Variants in RIMKLB observed in about 807,000 individuals in gnomAD.
RIMKLB encodes ribosomal modification protein rimK like family member B, also known as beta-citrylglutamate synthase B.
Under a neutral mutation model 32.0 loss-of-function variants are expected in RIMKLB, and 7 were observed. That is an observed-to-expected ratio of 0.22 (90% CI 0.12 to 0.41). The LOEUF (loss-of-function observed/expected upper bound fraction) is 0.41, where lower values mean the gene tolerates loss of function less well. Ranked by LOEUF, RIMKLB falls within the 10% of genes least tolerant of loss-of-function variation. RIMKLB has a pLI of 1.00. For synonymous variants in RIMKLB, 172 were observed against 185.1 expected (o/e 0.93, Z 0.57); for missense variants, 289 against 498.7 (o/e 0.58, Z 4.00).
Position 8,760,396 on chromosome 12 carries a change from A to G in RIMKLB, c.697+6303A>G, listed in dbSNP as rs190177124. Among the ~76,000 whole-genome samples the G allele has an allele frequency of 3.2e-4, 49 of 152,368 alleles. No homozygotes were observed. In the East Asian group the frequency reaches 8.7e-3, roughly 27 times the overall value. On this transcript the variant is annotated intron_variant, in intron 5 of 5. Coordinates refer to ENST00000535829, the MANE Select transcript of RIMKLB (RefSeq NM_001297776.2). ...CTTTGCTATTGTGAATAGTGCCACA[A>G]TAAACATACGTGTACATGTGTCTTT...
rs1415853486 is a variant in RIMKLB, at chr12:8,775,068, G to C, written c.*1284G>C. The C allele has an allele frequency of 1.0e-6, 1 of 985,554 alleles. No homozygotes were observed. Among genetic ancestry groups the C allele is most frequent in the Non-Finnish European group, 1.2e-6 (1 of 829,870 alleles). 61.1% of individuals were successfully genotyped at this position (985,554 alleles called of 1,614,324 possible). Reference sequence around the variant, plus strand: ...ACCTTAAAACATAGGGTGAGTAGATGCTTTTTTAGGCCTTTTTGTGTATAT... The same window carrying C: ...ACCTTAAAACATAGGGTGAGTAGATCCTTTTTTAGGCCTTTTTGTGTATAT... On this transcript the variant is annotated 3_prime_UTR_variant, in exon 6 of 6. Coordinates refer to ENST00000535829, the MANE Select transcript of RIMKLB (RefSeq NM_001297776.2).
At position 8,763,549 on chromosome 12, in the gene RIMKLB, T is replaced by C. The variant is rs78674382; in HGVS notation, c.697+9456T>C. ...GGGTTTTGGGATGAGGATAAGCCAA[T>C]ATAGGCTGGATACGTTCCTCGCTGA... On this transcript the variant is annotated intron_variant, in intron 5 of 5. Coordinates refer to ENST00000535829, the MANE Select transcript of RIMKLB (RefSeq NM_001297776.2). 1.3e-3 allele frequency among the ~76,000 whole-genome samples: 195 copies of C among 152,366 alleles called. 5 individuals carry two copies. The East Asian group carries it at 0.03, about 23-fold the overall frequency.
Position 8,776,303 on chromosome 12 carries a change from C to T in RIMKLB, c.*2519C>T. ...TTAGAATGAAAAGAGCAGTAGTTATCTTAGATTTTAAAAACATGGATATCT... is the reference window on the plus strand; with the variant it reads ...TTAGAATGAAAAGAGCAGTAGTTATTTTAGATTTTAAAAACATGGATATCT... On this transcript the variant is annotated 3_prime_UTR_variant, in exon 6 of 6. Coordinates refer to ENST00000535829, the MANE Select transcript of RIMKLB (RefSeq NM_001297776.2). The T allele has an allele frequency of 1.0e-6, 1 of 972,716 alleles. No homozygotes were observed. The highest frequency in any genetic ancestry group is 1.2e-6 in the Non-Finnish European group (1 of 819,714). 60.3% of individuals were successfully genotyped at this position (972,716 alleles called of 1,614,324 possible). A position where few individuals can be genotyped will look rare whatever the true frequency, so the allele number is the denominator to read the frequency against.
chr12:8,725,187 A>G (rs1945860887), intron 2 of RIMKLB, among the ~76,000 whole-genome samples: 1 of 152,226 alleles, frequency 6.6e-6, no homozygotes, highest in South Asian at 2.1e-4. Context: ...CTTCTCATTC[A>G]GGTGAAGACT....
chr12:8,692,116 G>GT (rs1942750462), intron 1 of RIMKLB, among the ~76,000 whole-genome samples: 1 of 151,564 alleles, frequency 6.6e-6, no homozygotes, highest in Non-Finnish European at 1.5e-5. Context: ...TTCTTCCCAG[G>GT]TTGTTATACT....
chr12:8,683,773 G>A (rs1942484081), intron 1 of RIMKLB, among the ~76,000 whole-genome samples: 1 of 152,176 alleles, frequency 6.6e-6, no homozygotes, highest in African/African-American at 2.4e-5. Flanking sequence ...TTGAGACAGA[G>A]TCTCGCTCCT....
Position 8,774,141 on chromosome 12 carries a change from T to C in RIMKLB, c.*357T>C, listed in dbSNP as rs1445123918. On this transcript the variant is annotated 3_prime_UTR_variant, in exon 6 of 6. Transcript: ENST00000535829. ...TTTGTACAAAAAAAAATGGTTTTGC[T>C]ACAAATATCCAAGTAGCATAACTTC... 3.0e-6 allele frequency: 3 copies of C among 1,016,424 alleles called. No individual in the cohort carries two copies. Among genetic ancestry groups the C allele is most frequent in the South Asian group, 4.3e-5 (1 of 23,488 alleles). 63.0% of individuals were successfully genotyped at this position (1,016,424 alleles called of 1,614,324 possible).
chr12:8,669,769 T>C, the RIMKLB span, among the ~76,000 whole-genome samples: 152 of 152,126 alleles, frequency 1.0e-3, 1 homozygote, highest in African/African-American at 3.5e-3. Context: ...GGCTCATGCC[T>C]GTAATCCCAG....
chr12:8,705,165 G>A (rs1363381108), intron 1 of RIMKLB, among the ~76,000 whole-genome samples: 1 of 152,120 alleles, frequency 6.6e-6, no homozygotes, highest in Admixed American at 6.6e-5. Context: ...TAGTCCAAGT[G>A]TTGAATATAC....
At chr12:8,676,794 G>T (rs1050713920), upstream of RIMKLB, among the ~76,000 whole-genome samples, 9 of 151,966 alleles carry the variant, frequency 5.9e-5, no homozygotes, top group Admixed American at 2.6e-4. Context: ...CATCCCATAG[G>T]CACCTTGAGT....
In RIMKLB at chr12:8,774,892, G is replaced by A. The variant is rs760340419; in HGVS notation, c.*1108G>A. On this transcript the variant is annotated 3_prime_UTR_variant, in exon 6 of 6. Coordinates refer to ENST00000535829, the MANE Select transcript of RIMKLB (RefSeq NM_001297776.2). ...GGAGTATATGTGTATGTGTGTGCAC[G>A]CATGCATGTGTATGTGTTTTGCTTT... 3.3e-5 allele frequency: 33 copies of A among 985,498 alleles called. No individual in the cohort carries two copies. In the East Asian group the frequency reaches 1.0e-3, roughly 31 times the overall value. 61.0% of individuals were successfully genotyped at this position (985,498 alleles called of 1,614,324 possible). A position where few individuals can be genotyped will look rare whatever the true frequency, so the allele number is the denominator to read the frequency against.
At chr12:8,732,454 T>G (rs747079339) in intron 2 of RIMKLB, among the ~76,000 whole-genome samples, 101 of 152,322 alleles carry the variant, frequency 6.6e-4, no homozygotes, top group Admixed American at 2.0e-3. Flanking sequence ...ATAGTAATCT[T>G]GTGTTTTAAC....
intron 1 of RIMKLB, among the ~76,000 whole-genome samples, chr12:8,683,209 C>A (rs1375979061): frequency 6.6e-6 from 1 of 152,188 alleles, no homozygotes; most frequent in Non-Finnish European, 1.5e-5. Context: ...ATGAATAAAG[C>A]TGCTATAAAC....
At chr12:8,746,702 CAT>C (rs1324421463) in intron 2 of RIMKLB, among the ~76,000 whole-genome samples, 1 of 152,044 alleles carries the variant, frequency 6.6e-6, no homozygotes, top group East Asian at 1.9e-4. Context: ...CTGATGACCA[CAT>C]ACCTACCCAT....
Position 8,776,143 on chromosome 12 carries a change from T to C in RIMKLB, c.*2359T>C. On this transcript the variant is annotated 3_prime_UTR_variant, in exon 6 of 6. Transcript: ENST00000535829. ...ATGTTTGTGTTGGTGGGGTAAGGCA[T>C]CAGGAAAAATGTAGTTAGTCTTTTC... 1.0e-6 allele frequency: 1 copy of C among 985,154 alleles called. No homozygotes were observed. Among genetic ancestry groups the C allele is most frequent in the Non-Finnish European group, 1.2e-6 (1 of 829,672 alleles). 61.0% of individuals were successfully genotyped at this position (985,154 alleles called of 1,614,324 possible).
At chr12:8,746,598 CAAAAAAAAAA>C (rs1185862870) in intron 2 of RIMKLB, among the ~76,000 whole-genome samples, 1 of 54,958 alleles carries the variant, frequency 1.8e-5, no homozygotes, top group Non-Finnish European at 3.8e-5. Flanking sequence ...GACTCTGTCT[CAAAAAAAAAA>C]AAAAAAAAGA....
chr12:8,725,772 C>T (rs1374517967), intron 2 of RIMKLB, among the ~76,000 whole-genome samples: 1 of 152,200 alleles, frequency 6.6e-6, no homozygotes, highest in African/African-American at 2.4e-5. Context: ...GCACAGTTTT[C>T]CTGGACCATA....
At chr12:8,681,664 A>G (rs1327311590) in exon 1 of RIMKLB, 1 of 152,180 alleles carries the variant, frequency 6.6e-6, no homozygotes, top group Admixed American at 6.6e-5. Context: ...ACTCATGAAC[A>G]GTGGGTCTTG....
At chr12:8,686,287 T>C (rs1408553401) in intron 1 of RIMKLB, among the ~76,000 whole-genome samples, 2 of 140,732 alleles carry the variant, frequency 1.4e-5, no homozygotes, top group Non-Finnish European at 3.1e-5. Flanking sequence ...TCTCCTCTCC[T>C]CTCATTTCCT....
Sources: gnomAD v4.1 joint callset for allele counts (sites outside exome capture counted in the v4.1 genomes callset) on GRCh38, gnomAD v4.1.1 for gene constraint, MANE v1.5 for transcripts, NCBI Gene and HGNC (gene_info 2026-07-23, HGNC 2026-07-21) for gene names.